Variants in KALRN observed in about 807,000 individuals in gnomAD.
KALRN encodes the protein kalirin RhoGEF kinase, also known as kalirin.
A neutral mutation model predicts 353.7 loss-of-function variants in KALRN; 70 were observed. That is an observed-to-expected ratio of 0.20 (90% CI 0.16 to 0.24). The LOEUF (loss-of-function observed/expected upper bound fraction) is 0.24. KALRN is among the 10% of genes least tolerant of loss of function. The pLI is 1.00. For missense variants in KALRN, 2,791 were observed against 3,756.7 expected (o/e 0.74, Z 6.72); for synonymous variants, 1,391 against 1,434.8 (o/e 0.97, Z 0.69).
At chr3:124,402,681 A>C (rs1358212229) in intron 13 of KALRN, among the ~76,000 whole-genome samples, 3 of 152,216 alleles carry the variant, frequency 2.0e-5, no homozygotes, top group Non-Finnish European at 4.4e-5. Flanking sequence ...CTACATATAA[A>C]TATTTATTCA....
intron 1 of KALRN, among the ~76,000 whole-genome samples, chr3:124,069,445 C>T (rs1349702411): frequency 6.6e-6 from 1 of 152,106 alleles, no homozygotes; most frequent in Non-Finnish European, 1.5e-5. Flanking sequence ...ACGTGTCCCT[C>T]TATGTCGTGC....
chr3:124,384,270 G>A (rs1191245110), intron 10 of KALRN, among the ~76,000 whole-genome samples: 2 of 152,158 alleles, frequency 1.3e-5, no homozygotes, highest in Non-Finnish European at 2.9e-5. Flanking sequence ...TGGGCCCGCA[G>A]GGAGTAGCCT....
chr3:124,696,453 A>G (rs1289584518), intron 54 of KALRN, among the ~76,000 whole-genome samples, 198 bp downstream of exon 54: 1 of 152,052 alleles, frequency 6.6e-6, no homozygotes, highest in African/African-American at 2.4e-5. Context: ...TTTTGTAGAG[A>G]TGGGATTTTG....
At chr3:124,550,820 T>C (rs1047711494) in intron 33 of KALRN, among the ~76,000 whole-genome samples, 1 of 152,114 alleles carries the variant, frequency 6.6e-6, no homozygotes, top group Non-Finnish European at 1.5e-5. Flanking sequence ...AAACCCCGTC[T>C]GTACTAAAAA....
intron 33 of KALRN, among the ~76,000 whole-genome samples, chr3:124,548,811 G>A (rs781058492): frequency 3.3e-5 from 5 of 152,142 alleles, no homozygotes; most frequent in Non-Finnish European, 5.9e-5. Flanking sequence ...GTGCCACCAC[G>A]CCCGGCTAAT....
chr3:124,623,539 A>G (rs1344917796), intron 34 of KALRN, among the ~76,000 whole-genome samples: 1 of 152,120 alleles, frequency 6.6e-6, no homozygotes, highest in East Asian at 1.9e-4. Flanking sequence ...GTGGAGTCCA[A>G]TATTTGAGGA....
At chr3:124,449,689 A>T (rs2058588622) in intron 21 of KALRN, among the ~76,000 whole-genome samples, 1 of 152,238 alleles carries the variant, frequency 6.6e-6, no homozygotes, top group Non-Finnish European at 1.5e-5. Context: ...GCCCATTAGC[A>T]GTCACTCTGC....
intron 33 of KALRN, among the ~76,000 whole-genome samples, chr3:124,549,465 C>G (rs1410246463): frequency 6.6e-6 from 1 of 151,674 alleles, no homozygotes; most frequent in Admixed American, 6.6e-5. Flanking sequence ...CTCTGGGATG[C>G]CTTATTGTTG....
At chr3:124,355,383 A>G (rs550688794) in intron 10 of KALRN, among the ~76,000 whole-genome samples, 1 of 152,252 alleles carries the variant, frequency 6.6e-6, no homozygotes, top group Non-Finnish European at 1.5e-5. Context: ...TATTGACAAA[A>G]TACACCACAA....
At chr3:124,621,793 A>G (rs2079301808) in intron 34 of KALRN, among the ~76,000 whole-genome samples, 1 of 152,212 alleles carries the variant, frequency 6.6e-6, no homozygotes, top group Non-Finnish European at 1.5e-5. Context: ...TGAATATGCA[A>G]CCAGGAGCTT....
chr3:124,492,702 A>T, intron 31 of KALRN, 38 bp from the exon 32 acceptor site: 4 of 1,607,292 alleles, frequency 2.5e-6, no homozygotes, highest in Non-Finnish European at 3.4e-6. Context: ...AGGTGATGGG[A>T]GTTGGGGTTC....
chr3:124,368,949 C>G (rs2085429089), intron 10 of KALRN, among the ~76,000 whole-genome samples: 1 of 152,074 alleles, frequency 6.6e-6, no homozygotes, highest in South Asian at 2.1e-4. Flanking sequence ...ACTCGGCAGG[C>G]TGAGGCAGGA....
chr3:124,272,101 T>G (rs1034178504), intron 5 of KALRN, among the ~76,000 whole-genome samples: 2 of 152,186 alleles, frequency 1.3e-5, no homozygotes, highest in African/African-American at 4.8e-5. Flanking sequence ...ACCTGGGTAA[T>G]AGGATTATAC....
In KALRN at chr3:124,298,783, C is replaced by T; in HGVS notation, c.970-8C>T. The T allele has an allele frequency of 6.2e-7, 1 of 1,614,086 alleles. No individual in the cohort carries two copies. Among genetic ancestry groups the T allele is most frequent in the Non-Finnish European group, 8.5e-7 (1 of 1,179,972 alleles). On this transcript the variant is annotated splice_region_variant and splice_polypyrimidine_tract_variant and intron_variant, in intron 5 of 59. Transcript: ENST00000682506. ...TCTGATTATGCTGTGCCTTCTTGTC[C>T]TCTCTAGATGTTTGACTGGATAAGC...
chr3:124,385,088 G>T (rs2088013918), intron 11 of KALRN, 52 bp downstream of exon 11: 2 of 1,489,390 alleles, frequency 1.3e-6, no homozygotes, highest in Non-Finnish European at 1.8e-6. Flanking sequence ...GGTCAGGTCG[G>T]CTTCCTAGTA....
At chr3:124,195,300 A>G (rs2075319462) in intron 1 of KALRN, among the ~76,000 whole-genome samples, 1 of 152,166 alleles carries the variant, frequency 6.6e-6, no homozygotes, top group Admixed American at 6.5e-5. Context: ...AAGACCTCCT[A>G]TGAGACCTAC....
intron 5 of KALRN, among the ~76,000 whole-genome samples, chr3:124,283,284 G>T (rs2075528949): frequency 6.6e-6 from 1 of 152,160 alleles, no homozygotes; most frequent in African/African-American, 2.4e-5. Flanking sequence ...ACTTGCCAAG[G>T]GCCAGATCTC....
At chr3:124,081,278 G>T (rs945927170) in intron 1 of KALRN, among the ~76,000 whole-genome samples, 2 of 152,172 alleles carry the variant, frequency 1.3e-5, no homozygotes, top group Non-Finnish European at 2.9e-5. Flanking sequence ...CTCCATGCAA[G>T]AGTGTATTCA....
At chr3:124,574,674 G>A (rs1008445471) in intron 34 of KALRN, among the ~76,000 whole-genome samples, 1 of 152,236 alleles carries the variant, frequency 6.6e-6, no homozygotes, top group African/African-American at 2.4e-5. Flanking sequence ...GAAAGATGGT[G>A]CAGTTTTCTT....
Sources: gnomAD v4.1 joint callset for allele counts (sites outside exome capture counted in the v4.1 genomes callset) on GRCh38, gnomAD v4.1.1 for gene constraint, MANE v1.5 for transcripts, NCBI Gene and HGNC (gene_info 2026-07-23, HGNC 2026-07-21) for gene names.